CLN8: variants seen among roughly 807,000 people sequenced by gnomAD.
CLN8 encodes protein CLN8.
A neutral mutation model predicts 15.7 loss-of-function variants in CLN8; 14 were observed. That is an observed-to-expected ratio of 0.89 (90% confidence interval 0.59 to 1.39). The LOEUF is 1.39. CLN8 is among the 40% of genes most tolerant of loss of function. CLN8 has a pLI of 0.00. For missense variants in CLN8, 415 were observed against 364.0 expected, an observed-to-expected ratio of 1.14 and a Z score of -1.14; for synonymous variants, 188 against 151.0, an observed-to-expected ratio of 1.25 and a Z score of -1.80.
chr8:1,773,696 G>A (rs1402621677), intron 2 of CLN8: 2 of 152,408 alleles, frequency 1.3e-5, no homozygotes, highest in Admixed American at 6.5e-5. Context: ...GGGTTTCTCT[G>A]GAGTGAGATC....
intron 2 of CLN8, among the ~76,000 whole-genome samples, chr8:1,779,783 CTCT>C (rs1801650608): frequency 2.0e-5 from 3 of 152,178 alleles, no homozygotes; most frequent in South Asian, 2.1e-4. Context: ...TGGTCTCTTT[CTCT>C]TCTTATGACA....
chr8:1,756,615 A>G (rs1800676134), intron 1 of CLN8, among the ~76,000 whole-genome samples: 1 of 82,016 alleles, frequency 1.2e-5, no homozygotes, highest in Non-Finnish European at 2.8e-5. Flanking sequence ...TGTTCCTAAA[A>G]TAGTAACAGG....
chr8:1,759,025 T>G (rs1327093182), upstream of CLN8: 3 of 152,196 alleles, frequency 2.0e-5, no homozygotes, highest in African/African-American at 7.2e-5. Flanking sequence ...CTTGATTTCT[T>G]CCAGGGCCTG....
upstream of CLN8, among the ~76,000 whole-genome samples, chr8:1,755,506 C>A (rs1800649441): frequency 6.6e-6 from 1 of 152,214 alleles, no homozygotes; most frequent in Non-Finnish European, 1.5e-5. Flanking sequence ...CCCCGTTCTA[C>A]CCCTTCAGAG....
chr8:1,755,019 G>A (rs916447998), upstream of CLN8, among the ~76,000 whole-genome samples: 48 of 152,146 alleles, frequency 3.2e-4, no homozygotes, highest in Non-Finnish European at 1.0e-4. Flanking sequence ...ACAGACCTCC[G>A]AGCCAATGAG....
chr8:1,760,698 C>G (rs1800771548), upstream of CLN8, among the ~76,000 whole-genome samples: 1 of 152,032 alleles, frequency 6.6e-6, no homozygotes, highest in Admixed American at 6.6e-5. Context: ...TCTAAGGAAC[C>G]CAGTGCTGAT....
upstream of CLN8, chr8:1,760,205 A>G (rs147120296): frequency 6.6e-6 from 1 of 152,132 alleles, no homozygotes; most frequent in Non-Finnish European, 1.5e-5. Context: ...TATGACGTGG[A>G]TAATGGTGCC....
intron 1 of CLN8, among the ~76,000 whole-genome samples, chr8:1,766,939 C>G (rs765497564): frequency 2.0e-5 from 3 of 152,234 alleles, no homozygotes; most frequent in Non-Finnish European, 4.4e-5. Flanking sequence ...GGCCTAGCCA[C>G]ACTTCTGTGG....
intron 2 of CLN8, among the ~76,000 whole-genome samples, chr8:1,775,526 G>A (rs1290938847): frequency 6.6e-6 from 1 of 152,166 alleles, no homozygotes; most frequent in East Asian, 1.9e-4. Flanking sequence ...AGAACTCTTC[G>A]GTTCTCAAGC....
In CLN8 at chr8:1,772,201, G is replaced by T. The variant is rs968176742; in HGVS notation, c.543+604G>T. Among the ~76,000 whole-genome samples the T allele has an allele frequency of 2.0e-5, 3 of 152,044 alleles. 1 individual carries two copies. Among genetic ancestry groups the T allele is most frequent in the Admixed American group, 2.0e-4 (3 of 15,252 alleles). ...TCCGCCTGCCTGGGCCTCCCAAAGT[G>T]CTGGAATTACAAATGTGAGCCACCG... On this transcript the variant is annotated intron_variant, in intron 2 of 2. Coordinates refer to ENST00000331222, the MANE Select transcript of CLN8 (RefSeq NM_018941.4).
At chr8:1,755,711 C>A (rs1800654431), upstream of CLN8, 1 of 152,326 alleles carries the variant, frequency 6.6e-6, no homozygotes, top group African/African-American at 2.4e-5. Flanking sequence ...GGCAGCCCCA[C>A]TTCCTCAGCA....
At chr8:1,768,418 A>G (rs1166875958) in intron 1 of CLN8, among the ~76,000 whole-genome samples, 1 of 152,200 alleles carries the variant, frequency 6.6e-6, no homozygotes, top group African/African-American at 2.4e-5. Flanking sequence ...GATTTGAGTC[A>G]TTGATCTGGG....
upstream of CLN8, chr8:1,762,860 C>T (rs1382149503): frequency 6.6e-6 from 1 of 152,204 alleles, no homozygotes; most frequent in Admixed American, 6.5e-5. Flanking sequence ...CGATCGCATG[C>T]TATCGGTTCT....
intron 1 of CLN8, among the ~76,000 whole-genome samples, chr8:1,766,457 T>A (rs1801061059): frequency 6.7e-6 from 1 of 148,286 alleles, no homozygotes; most frequent in Non-Finnish European, 1.5e-5. Flanking sequence ...TGGCGCTATC[T>A]CAGCTCACTG....
intron 2 of CLN8, among the ~76,000 whole-genome samples, chr8:1,774,647 T>C (rs973154220): frequency 6.6e-6 from 1 of 152,190 alleles, no homozygotes; most frequent in Non-Finnish European, 1.5e-5. Flanking sequence ...TAGATTTGGT[T>C]CTACTATTTA....
At chr8:1,779,403 T>A (rs1307620047) in intron 2 of CLN8, among the ~76,000 whole-genome samples, 1 of 152,178 alleles carries the variant, frequency 6.6e-6, no homozygotes, top group Non-Finnish European at 1.5e-5. Context: ...CCACCATGCC[T>A]GGCTAATTTT....
At chr8:1,756,915 T>C (rs1477148466) in intron 1 of CLN8, among the ~76,000 whole-genome samples, 1 of 152,080 alleles carries the variant, frequency 6.6e-6, no homozygotes, top group Non-Finnish European at 1.5e-5. Flanking sequence ...TCTCCTGACC[T>C]CAAGTGACCC....
intron 1 of CLN8, chr8:1,764,737 G>C (rs1800978649): frequency 6.6e-6 from 1 of 152,626 alleles, no homozygotes; most frequent in Non-Finnish European, 1.5e-5. Context: ...CCTATAGCCA[G>C]CTGCTCTAGG....
At chr8:1,771,652 C>G in intron 2 of CLN8, 55 bp downstream of exon 2, 1 of 1,508,220 alleles carries the variant, frequency 6.6e-7, no homozygotes, top group Middle Eastern at 1.7e-4. Context: ...TAATCACTGG[C>G]TACAATGTCC....
Sources: allele counts gnomAD v4.1 joint callset (sites outside exome capture counted in the v4.1 genomes callset), GRCh38; gene constraint gnomAD v4.1.1; transcripts MANE v1.5; gene names NCBI Gene and HGNC (gene_info 2026-07-23, HGNC 2026-07-21).